Variants in FTO observed in about 807,000 individuals in gnomAD.
FTO encodes the protein FTO alpha-ketoglutarate dependent dioxygenase.
In FTO, 47 loss-of-function variants were observed where a neutral mutation model predicts 63.9. The ratio of observed to expected loss-of-function variants is 0.74; its 90% confidence interval spans 0.58 to 0.94. The LOEUF is 0.94. FTO is among the 40% of genes least tolerant of loss of function. The pLI is 0.00. For missense variants in FTO, 562 were observed against 618.1 expected (o/e 0.91, Z 0.96); for synonymous variants, 207 against 224.4 (o/e 0.92, Z 0.69).
At chr16:53,906,198 A>G (rs1178746192) in intron 7 of FTO, among the ~76,000 whole-genome samples, 2 of 152,194 alleles carry the variant, frequency 1.3e-5, no homozygotes, top group African/African-American at 2.4e-5. Flanking sequence ...TTCATCAGTT[A>G]GGTCCCACCT....
At chr16:53,955,009 A>C (rs927200709) in intron 8 of FTO, among the ~76,000 whole-genome samples, 1 of 152,100 alleles carries the variant, frequency 6.6e-6, no homozygotes, top group Non-Finnish European at 1.5e-5. Flanking sequence ...CCAAGTTACC[A>C]CCGTCTCTAA....
intron 8 of FTO, among the ~76,000 whole-genome samples, chr16:54,030,800 T>C (rs2084811172): frequency 6.6e-6 from 1 of 152,124 alleles, no homozygotes; most frequent in African/African-American, 2.4e-5. Context: ...AAAGAACAGT[T>C]CAAGATAACA....
chr16:53,855,535 A>G (rs1465321101), intron 4 of FTO, among the ~76,000 whole-genome samples: 3 of 150,978 alleles, frequency 2.0e-5, no homozygotes, highest in Non-Finnish European at 4.4e-5. Context: ...TGAATGAACC[A>G]AGAACTGGCT....
intron 8 of FTO, among the ~76,000 whole-genome samples, chr16:53,960,757 A>G (rs1400089879): frequency 6.6e-6 from 1 of 151,962 alleles, no homozygotes; most frequent in Non-Finnish European, 1.5e-5. Context: ...CAAAGGGCCC[A>G]ATTGTGCTTG....
At chr16:53,914,082 T>C (rs893702692) in intron 7 of FTO, among the ~76,000 whole-genome samples, 1 of 152,036 alleles carries the variant, frequency 6.6e-6, no homozygotes, top group African/African-American at 2.4e-5. Flanking sequence ...CTTCTCACGA[T>C]CACTTCCCAG....
chr16:54,003,006 G>C (rs1221065389), intron 8 of FTO, among the ~76,000 whole-genome samples: 1 of 152,204 alleles, frequency 6.6e-6, no homozygotes, highest in Non-Finnish European at 1.5e-5. Context: ...ATGCAGCCTT[G>C]TACTGGGTCC....
intron 8 of FTO, among the ~76,000 whole-genome samples, chr16:54,054,876 C>T (rs2144351576): frequency 6.6e-6 from 1 of 152,234 alleles, no homozygotes; most frequent in East Asian, 1.9e-4. Flanking sequence ...GAACTTAGTT[C>T]CTCTCTTGCG....
intron 8 of FTO, among the ~76,000 whole-genome samples, chr16:54,047,980 G>T (rs2085210966): frequency 1.5e-5 from 1 of 66,004 alleles, no homozygotes. Flanking sequence ...GGGGAGGGGG[G>T]AGGGATAGCA....
upstream of FTO, chr16:53,704,127 G>A (rs555155062): frequency 2.0e-6 from 3 of 1,513,966 alleles, no homozygotes; most frequent in East Asian, 7.4e-5. Flanking sequence ...GCAGGAGGCG[G>A]GGTCCAGGGC....
At chr16:53,768,174 C>T (rs2077254581) in intron 1 of FTO, among the ~76,000 whole-genome samples, 1 of 152,176 alleles carries the variant, frequency 6.6e-6, no homozygotes, top group African/African-American at 2.4e-5. Context: ...TGCCATAGCA[C>T]AGCTTGTTTT....
At chr16:54,101,377 C>G (rs2689262) in intron 8 of FTO, among the ~76,000 whole-genome samples, 12,947 of 152,178 alleles carry the variant, frequency 0.085, 1,799 homozygotes, top group African/African-American at 0.29. Flanking sequence ...TGAGAACATG[C>G]AGGATTTGTT....
intron 5 of FTO, among the ~76,000 whole-genome samples, chr16:53,875,127 G>A (rs1273680966): frequency 1.7e-5 from 2 of 120,174 alleles, no homozygotes; most frequent in Admixed American, 1.8e-4. Context: ...GAAGGGAGGA[G>A]CAAGTATTTA....
At chr16:53,749,011 C>A (rs531574120) in intron 1 of FTO, among the ~76,000 whole-genome samples, 2 of 152,268 alleles carry the variant, frequency 1.3e-5, no homozygotes, top group East Asian at 3.9e-4. Flanking sequence ...GGTGATCCAC[C>A]CGCCTCGGCT....
chr16:54,049,597 A>T (rs574774390), intron 8 of FTO, among the ~76,000 whole-genome samples: 1 of 152,362 alleles, frequency 6.6e-6, no homozygotes, highest in South Asian at 2.1e-4. Flanking sequence ...GAAATACCAG[A>T]TGAAATGAAA....
intron 8 of FTO, among the ~76,000 whole-genome samples, chr16:54,108,469 G>T (rs560855295): frequency 1.3e-5 from 2 of 152,220 alleles, no homozygotes; most frequent in African/African-American, 2.4e-5. Context: ...GGTGCAATTT[G>T]ATTCAAGCCA....
At chr16:53,970,454 G>T (rs908713080) in intron 8 of FTO, among the ~76,000 whole-genome samples, 2 of 151,988 alleles carry the variant, frequency 1.3e-5, no homozygotes, top group African/African-American at 4.8e-5. Context: ...GCCGGTTGTG[G>T]TGGTGGGCGC....
chr16:53,931,280 T>A (rs754026337), intron 7 of FTO, among the ~76,000 whole-genome samples: 18 of 150,714 alleles, frequency 1.2e-4, no homozygotes, highest in Non-Finnish European at 2.2e-4. Context: ...TCCACAGATA[T>A]AACCACAAAC....
At chr16:54,104,627 C>G (rs1391575030) in intron 8 of FTO, among the ~76,000 whole-genome samples, 1 of 152,118 alleles carries the variant, frequency 6.6e-6, no homozygotes, top group Non-Finnish European at 1.5e-5. Flanking sequence ...GCCTCTTAAG[C>G]CTTGGTATTG....
chr16:53,839,952 G>A (rs1242068292), intron 3 of FTO, among the ~76,000 whole-genome samples: 3 of 151,632 alleles, frequency 2.0e-5, no homozygotes, highest in East Asian at 3.9e-4. Flanking sequence ...TTACAGGCAC[G>A]CACCACCACA....
Sources: allele counts gnomAD v4.1 joint callset (sites outside exome capture counted in the v4.1 genomes callset), GRCh38; gene constraint gnomAD v4.1.1; transcripts MANE v1.5; gene names NCBI Gene and HGNC (gene_info 2026-07-23, HGNC 2026-07-21).